The following RSU1 variants were observed in gnomAD, a reference collection of about 807,000 sequenced individuals.
The protein encoded by RSU1 is rsu-1.
In RSU1, 26 loss-of-function variants were observed where a neutral mutation model predicts 31.1. The observed-to-expected ratio is 0.84, with a 90% CI of 0.61 to 1.16. The LOEUF (loss-of-function observed/expected upper bound fraction) is 1.16. Ranked by LOEUF, RSU1 falls within the 50% of genes most tolerant of loss-of-function variation. The pLI is 0.00. For synonymous variants in RSU1, 164 were observed against 136.3 expected, an observed-to-expected ratio of 1.20 and a Z score of -1.41; for missense variants, 320 against 339.1, an observed-to-expected ratio of 0.94 and a Z score of 0.44.
At chr10:16,703,595 T>C (rs1835838585) in intron 7 of RSU1, among the ~76,000 whole-genome samples, 1 of 152,194 alleles carries the variant, frequency 6.6e-6, no homozygotes, top group Admixed American at 6.5e-5. Flanking sequence ...GAGCATGGTA[T>C]AATATGTAGC....
chr10:16,612,030 A>G (rs1254882990), intron 8 of RSU1, among the ~76,000 whole-genome samples: 3 of 152,214 alleles, frequency 2.0e-5, no homozygotes, highest in South Asian at 4.1e-4. Flanking sequence ...ACATAACTCA[A>G]TAGGGTTGTT....
At chr10:16,666,710 G>A (rs958711499) in intron 8 of RSU1, among the ~76,000 whole-genome samples, 9 of 152,004 alleles carry the variant, frequency 5.9e-5, no homozygotes, top group South Asian at 2.1e-4. Flanking sequence ...GCCATCAGCC[G>A]GGTGCGGTGG....
chr10:16,776,843 C>T (rs1837543217), intron 3 of RSU1, among the ~76,000 whole-genome samples: 1 of 150,634 alleles, frequency 6.6e-6, no homozygotes, highest in Admixed American at 6.6e-5. Context: ...CGTATTTAAG[C>T]CCATCATTCC....
At chr10:16,707,014 G>A (rs1475606349) in intron 7 of RSU1, among the ~76,000 whole-genome samples, 2 of 152,080 alleles carry the variant, frequency 1.3e-5, no homozygotes, top group African/African-American at 4.8e-5. Flanking sequence ...GTCTTTCTGT[G>A]TCTGGATTAT....
intron 7 of RSU1, among the ~76,000 whole-genome samples, chr10:16,730,504 T>C (rs1196277425): frequency 1.3e-5 from 2 of 152,064 alleles, no homozygotes; most frequent in African/African-American, 4.8e-5. Context: ...CATCCTAGGG[T>C]ACCCTATTAG....
intron 7 of RSU1, among the ~76,000 whole-genome samples, chr10:16,728,485 C>T (rs570418560): frequency 6.6e-6 from 1 of 152,298 alleles, no homozygotes; most frequent in South Asian, 2.1e-4. Flanking sequence ...GAAGATGACA[C>T]ATAGGCCCAT....
At chr10:16,643,901 T>A (rs532353232) in intron 8 of RSU1, among the ~76,000 whole-genome samples, 66 of 151,384 alleles carry the variant, frequency 4.4e-4, no homozygotes, top group African/African-American at 1.6e-3. Flanking sequence ...ATTTTTTTTT[T>A]TAAAAAAACT....
chr10:16,721,055 A>G (rs981535747), intron 7 of RSU1, among the ~76,000 whole-genome samples: 1 of 152,216 alleles, frequency 6.6e-6, no homozygotes, highest in Non-Finnish European at 1.5e-5. Context: ...TCATCAAAGT[A>G]CATTTTCATT....
intron 8 of RSU1, among the ~76,000 whole-genome samples, chr10:16,658,955 T>C (rs1006566656): frequency 1.4e-4 from 22 of 152,218 alleles, no homozygotes; most frequent in African/African-American, 4.6e-4. Context: ...CTGGTACATA[T>C]AAAATGCTGT....
chr10:16,642,233 G>T (rs11254123), intron 8 of RSU1, among the ~76,000 whole-genome samples: 50,463 of 151,940 alleles, frequency 0.33, 9,409 homozygotes, highest in African/African-American at 0.5. Flanking sequence ...GCTAAGGCAG[G>T]CAGGTAGGGA....
At chr10:16,746,149 T>A (rs1480319079) in intron 7 of RSU1, among the ~76,000 whole-genome samples, 1 of 152,222 alleles carries the variant, frequency 6.6e-6, no homozygotes, top group Non-Finnish European at 1.5e-5. Flanking sequence ...CTTTACTCTC[T>A]GAAGGGGATT....
intron 7 of RSU1, among the ~76,000 whole-genome samples, chr10:16,715,593 T>C (rs975803896): frequency 6.6e-6 from 1 of 152,194 alleles, no homozygotes; most frequent in Admixed American, 6.5e-5. Flanking sequence ...TTGGGCACAC[T>C]TGTCAAAAAA....
At chr10:16,617,814 C>T (rs2131475049) in intron 8 of RSU1, among the ~76,000 whole-genome samples, 1 of 152,300 alleles carries the variant, frequency 6.6e-6, no homozygotes, top group African/African-American at 2.4e-5. Context: ...CTTCCTTACA[C>T]CTTATACAAA....
chr10:16,629,472 G>A (rs1043639808), intron 8 of RSU1, among the ~76,000 whole-genome samples: 1 of 152,158 alleles, frequency 6.6e-6, no homozygotes. Flanking sequence ...AGGGGAGGGA[G>A]AATTGAGGTC....
chr10:16,685,986 T>C (rs1195540605), intron 8 of RSU1, among the ~76,000 whole-genome samples: 1 of 152,240 alleles, frequency 6.6e-6, no homozygotes, highest in Non-Finnish European at 1.5e-5. Flanking sequence ...CATTGAGGCA[T>C]GGATAAATGC....
At chr10:16,695,262 G>A in intron 7 of RSU1, 107 bp from the exon 8 acceptor site, 1 of 1,052,150 alleles carries the variant, frequency 9.5e-7, no homozygotes, top group Non-Finnish European at 1.3e-6. Flanking sequence ...CAAACCCTAA[G>A]TGCCTCTTGG....
rs1010623746 is a variant in RSU1 at position 16,635,417 on chromosome 10, C to T, written c.732-41921G>A. ...TCTCAGCTAGCTGATAACCCTGCTT[C>T]GTATTTCACTGAGAAAACCGAAACA... is the stretch of plus-strand genomic sequence containing the variant. On this transcript the variant is annotated intron_variant, in intron 8 of 8. Transcript: ENST00000345264. 3.0e-4 allele frequency among the ~76,000 whole-genome samples: 46 copies of T among 152,322 alleles called. No individual in the cohort carries two copies. The Middle Eastern group carries it at 0.01, about 34-fold the overall frequency.
intron 8 of RSU1, among the ~76,000 whole-genome samples, chr10:16,598,852 G>A (rs574108295): frequency 6.6e-6 from 1 of 152,322 alleles, no homozygotes; most frequent in African/African-American, 2.4e-5. Context: ...GAGCCTCTCT[G>A]GGCCTGACAG....
In RSU1 at chr10:16,687,090, G is replaced by T. The variant is rs559508050; in HGVS notation, c.731+7933C>A. 2.7e-3 allele frequency among the ~76,000 whole-genome samples: 417 copies of T among 152,288 alleles called. 2 individuals carry two copies. Among genetic ancestry groups the T allele is most frequent in the African/African-American group, 9.8e-3 (405 of 41,536 alleles). On this transcript the variant is annotated intron_variant, in intron 8 of 8. Transcript: ENST00000345264. ...AGGGAAGTAGTGAAGAAAGCAACGT[G>T]GATATGGGAGGGTACATTTTCCAAG...
Sources: allele counts gnomAD v4.1 joint callset (sites outside exome capture counted in the v4.1 genomes callset), GRCh38; gene constraint gnomAD v4.1.1; transcripts MANE v1.5; gene names NCBI Gene and HGNC (gene_info 2026-07-23, HGNC 2026-07-21).